KANK1: variants seen among roughly 807,000 people sequenced by gnomAD.
The protein encoded by KANK1 is KN motif and ankyrin repeat domain-containing protein 1.
In KANK1, 109 loss-of-function variants were observed where a neutral mutation model predicts 106.2. The observed-to-expected ratio is 1.03, with a 90% confidence interval of 0.88 to 1.20. KANK1 has a LOEUF of 1.20. KANK1 is among the 50% of genes most tolerant of loss of function. The probability of loss-of-function intolerance (pLI) is 0.00; values close to 1 mark genes in which losing one functional copy is unlikely to be tolerated. For synonymous variants in KANK1, 873 were observed against 652.2 expected (o/e 1.34, Z -5.16); for missense variants, 2,399 against 1,710.7 (o/e 1.40, Z -7.10).
chr9:715,996 C>CA (rs1383646281), intron 3 of KANK1, among the ~76,000 whole-genome samples: 1 of 152,200 alleles, frequency 6.6e-6, no homozygotes, highest in Non-Finnish European at 1.5e-5. Flanking sequence ...GAATAGCACT[C>CA]ACCACAGTCT....
At chr9:707,361 AG>A (rs1276141243) in intron 2 of KANK1, 1 of 452,468 alleles carries the variant, frequency 2.2e-6, no homozygotes, top group African/African-American at 2.1e-5. Context: ...ACTCCACCGC[AG>A]GCCTACGGGA....
At chr9:739,352 G>A (rs1047391269) in intron 8 of KANK1, among the ~76,000 whole-genome samples, 1 of 152,176 alleles carries the variant, frequency 6.6e-6, no homozygotes, top group African/African-American at 2.4e-5. Flanking sequence ...CAATCATACT[G>A]TCCAATTTTC....
chr9:678,904 T>G (rs931214824), intron 2 of KANK1, among the ~76,000 whole-genome samples: 10 of 152,158 alleles, frequency 6.6e-5, no homozygotes, highest in Non-Finnish European at 1.2e-4. Context: ...GAAGGGGTGT[T>G]TAAGATTGTT....
At chr9:542,371 C>T (rs1301344024) in intron 1 of KANK1, among the ~76,000 whole-genome samples, 1 of 152,220 alleles carries the variant, frequency 6.6e-6, no homozygotes. Flanking sequence ...TATCATCTCA[C>T]ATCTACTAGA....
At chr9:520,003 C>T (rs2059472276) in intron 1 of KANK1, among the ~76,000 whole-genome samples, 1 of 151,702 alleles carries the variant, frequency 6.6e-6, no homozygotes, top group Admixed American at 6.6e-5. Flanking sequence ...ACTTAATGAG[C>T]CACTCCACTC....
intron 1 of KANK1, among the ~76,000 whole-genome samples, chr9:612,214 C>G (rs139661673): frequency 6.6e-6 from 1 of 152,270 alleles, no homozygotes; most frequent in East Asian, 1.9e-4. Flanking sequence ...AGAGAAAATA[C>G]ACAAAGCCAG....
At chr9:495,465 A>G (rs1587256894) in intron 3 of KANK1, 1 of 152,170 alleles carries the variant, frequency 6.6e-6, no homozygotes, top group South Asian at 2.1e-4. Flanking sequence ...TTGGTGCTCA[A>G]CTTTTGACTT....
At chr9:671,791 T>C (rs1563962551) in intron 1 of KANK1, among the ~76,000 whole-genome samples, 1 of 151,448 alleles carries the variant, frequency 6.6e-6, no homozygotes, top group Non-Finnish European at 1.5e-5. Flanking sequence ...CTACTAAAAA[T>C]GCAAAAATTA....
At chr9:730,282 G>A (rs1831850551) in intron 4 of KANK1, 34 bp downstream of exon 4, 1 of 1,596,404 alleles carries the variant, frequency 6.3e-7, no homozygotes, top group Non-Finnish European at 8.6e-7. Flanking sequence ...TTGGCATCAG[G>A]ATTCTAGGGC....
chr9:732,442 G>T lies in KANK1; in HGVS notation c.3070G>T (p.Glu1024Ter), dbSNP rs746863287. 1 of 1,614,036 alleles carries T rather than the reference G, an allele frequency of 6.2e-7. No homozygotes were observed. The highest frequency in any genetic ancestry group is 8.5e-7 in the Non-Finnish European group (1 of 1,180,018). Residue 1024 changes from glutamate (E) to a stop codon, truncating the protein, a stop_gained, in exon 6 of 12, where the codon GAG becomes TAG. Coordinates refer to ENST00000382297, the MANE Select transcript of KANK1 (RefSeq NM_015158.5). LOFTEE classifies it high-confidence loss of function. ...DESSSSESDD[E>*]CDVIEYPLEE... is the part of the protein sequence containing the mutation. ...AAGCTCTTCTTCCGAGTCAGATGAC[G>T]AGTGTGATGTCATTGAGTATCCTCT... is the stretch of plus-strand genomic sequence containing the variant.
chr9:516,872 AT>A (rs1453624016), intron 1 of KANK1, among the ~76,000 whole-genome samples: 3 of 151,538 alleles, frequency 2.0e-5, no homozygotes, highest in African/African-American at 7.3e-5. Context: ...GTGATTAGGA[AT>A]TTCATGCCTC....
chr9:605,617 A>C (rs568465358), intron 1 of KANK1, among the ~76,000 whole-genome samples: 3 of 151,850 alleles, frequency 2.0e-5, no homozygotes, highest in Non-Finnish European at 4.4e-5. Context: ...TCTTCTGTAC[A>C]GGTGGAGAGG....
In KANK1 at chr9:544,918, G is replaced by C. The variant is rs73371028; in HGVS notation, c.-84+40164G>C. Among the ~76,000 whole-genome samples, 1,049 of 152,280 alleles carry C rather than the reference G, an allele frequency of 6.9e-3. 16 individuals are homozygous for C. The highest frequency in any genetic ancestry group is 0.023 in the African/African-American group (957 of 41,550). On this transcript the variant is annotated intron_variant, in intron 1 of 11. Coordinates refer to ENST00000382297, the MANE Select transcript of KANK1 (RefSeq NM_015158.5). ...ATCACTGGCAAGTTTTAAGTTGGTAGGTGAAGTGCTGGCTGGAGGAATCCC... is the reference window on the plus strand; with the variant it reads ...ATCACTGGCAAGTTTTAAGTTGGTACGTGAAGTGCTGGCTGGAGGAATCCC...
In KANK1 at chr9:711,566, T is replaced by C. The variant is rs749379264; in HGVS notation, c.800T>C (p.Met267Thr). The change falls in exon 3 of 12, where the codon ATG (methionine) becomes ACG (threonine). Residue 267 changes from methionine to threonine, a missense_variant. Physicochemically the swap from Met to Thr is moderately conservative, Grantham distance 81 (BLOSUM62 -1). Coordinates refer to ENST00000382297, the MANE Select transcript of KANK1 (RefSeq NM_015158.5). ...CACCTGCAGCACATCCGCGAGCAGATGGCCATTGCTCTGAAACGCCTGAAG... is the reference window on the plus strand; with the variant it reads ...CACCTGCAGCACATCCGCGAGCAGACGGCCATTGCTCTGAAACGCCTGAAG... ...PMHLQHIREQ[M>T]AIALKRLKEL... The C allele has an allele frequency of 6.2e-7, 1 of 1,613,986 alleles. No individual in the cohort carries two copies. Among genetic ancestry groups the C allele is most frequent in the Non-Finnish European group, 8.5e-7 (1 of 1,179,928 alleles).
chr9:708,673 C>A (rs961193624), intron 2 of KANK1, among the ~76,000 whole-genome samples: 1 of 152,026 alleles, frequency 6.6e-6, no homozygotes, highest in East Asian at 1.9e-4. Flanking sequence ...TGTAAATGTT[C>A]GGCAGTGCTG....
At chr9:476,237 T>G (rs2058100097) in intron 3 of KANK1, among the ~76,000 whole-genome samples, 2 of 151,982 alleles carry the variant, frequency 1.3e-5, no homozygotes, top group Admixed American at 1.3e-4. Context: ...TCCCAGGTGT[T>G]AGGCCGGGCG....
chr9:643,992 C>G (rs1254654476), intron 1 of KANK1, among the ~76,000 whole-genome samples: 1 of 151,020 alleles, frequency 6.6e-6, no homozygotes, highest in Non-Finnish European at 1.5e-5. Flanking sequence ...CGTGAGCTGC[C>G]ACGCCTGGCC....
At chr9:727,692 GTGTGTGTGTGTGTGTGTGTGTGTGTA>G (rs1374044512) in intron 3 of KANK1, among the ~76,000 whole-genome samples, 1 of 151,316 alleles carries the variant, frequency 6.6e-6, no homozygotes, top group Non-Finnish European at 1.5e-5. Flanking sequence ...GTGTGTGTGT[GTGTGTGTGTGTGTGTGTGTGTGTGTA>G]TGTGTGTGTG....
intron 3 of KANK1, among the ~76,000 whole-genome samples, chr9:481,349 G>C (rs1277177520): frequency 1.3e-5 from 2 of 152,126 alleles, no homozygotes; most frequent in African/African-American, 4.8e-5. Context: ...GACCACTTTG[G>C]AAGGACGTGG....
Sources: allele counts gnomAD v4.1 joint callset (sites outside exome capture counted in the v4.1 genomes callset), GRCh38; gene constraint gnomAD v4.1.1; transcripts MANE v1.5; gene names NCBI Gene and HGNC (gene_info 2026-07-23, HGNC 2026-07-21).